The following EXOC4 variants were observed in gnomAD, a reference collection of about 807,000 sequenced individuals.
The protein encoded by EXOC4 is exocyst complex component 4.
In EXOC4, 71 loss-of-function variants were observed where a neutral mutation model predicts 107.2. That is an observed-to-expected ratio of 0.66 (90% CI 0.55 to 0.81). The LOEUF is 0.81. EXOC4 is among the 30% of genes least tolerant of loss of function. The pLI, the probability that EXOC4 is intolerant of heterozygous loss-of-function variation, is 0.00. For missense variants in EXOC4, 1,108 were observed against 1,189.6 expected (o/e 0.93, Z 1.01); for synonymous variants, 456 against 441.2 (o/e 1.03, Z -0.42).
At chr7:133,767,987 G>C (rs1234723061) in intron 10 of EXOC4, 2 of 151,996 alleles carry the variant, frequency 1.3e-5, no homozygotes, top group Non-Finnish European at 2.9e-5. Flanking sequence ...TAAGTACCTA[G>C]GGGATAGAAA....
chr7:133,589,924 C>G (rs1484916372), intron 9 of EXOC4, among the ~76,000 whole-genome samples: 1 of 151,978 alleles, frequency 6.6e-6, no homozygotes, highest in Non-Finnish European at 1.5e-5. Flanking sequence ...AGCTAAAATC[C>G]AAGTTATTGT....
chr7:133,390,316 A>T (rs1308824036), intron 7 of EXOC4, among the ~76,000 whole-genome samples: 1 of 152,202 alleles, frequency 6.6e-6, no homozygotes, highest in Non-Finnish European at 1.5e-5. Context: ...GGAGTTTCTC[A>T]TGATGATGCC....
At chr7:133,998,709 G>T (rs1187151465) in intron 15 of EXOC4, among the ~76,000 whole-genome samples, 1 of 152,160 alleles carries the variant, frequency 6.6e-6, no homozygotes, top group African/African-American at 2.4e-5. Context: ...AGCCATGGAA[G>T]AGTTTTAAGA....
chr7:134,042,480 A>G (rs1203050409), intron 17 of EXOC4, among the ~76,000 whole-genome samples: 1 of 150,770 alleles, frequency 6.6e-6, no homozygotes, highest in Non-Finnish European at 1.5e-5. Context: ...ATGCTAGGAA[A>G]AAAAAAAAAA....
intron 10 of EXOC4, among the ~76,000 whole-genome samples, chr7:133,728,694 A>G (rs539189265): frequency 6.6e-6 from 1 of 152,146 alleles, no homozygotes; most frequent in African/African-American, 2.4e-5. Context: ...ACCCCATTTC[A>G]TTATTAGTTG....
At chr7:133,378,270 A>G (rs1796533465) in intron 7 of EXOC4, among the ~76,000 whole-genome samples, 1 of 149,698 alleles carries the variant, frequency 6.7e-6, no homozygotes, top group Admixed American at 6.8e-5. Context: ...CGATCGCGCC[A>G]CTGCACTCCA....
intron 6 of EXOC4, among the ~76,000 whole-genome samples, chr7:133,370,076 G>A (rs1323675417): frequency 2.9e-4 from 44 of 151,988 alleles, no homozygotes; most frequent in Admixed American, 2.7e-3. Context: ...ACAGGCGTGA[G>A]CCACTGTGCC....
chr7:133,589,867 C>T (rs4728291), intron 9 of EXOC4, among the ~76,000 whole-genome samples: 131,101 of 152,230 alleles, frequency 0.86, 56,598 homozygotes, highest in Admixed American at 0.89. Context: ...ATCATCTTTA[C>T]ATAAAGAATC....
chr7:133,892,785 G>C (rs1050876901), intron 11 of EXOC4, among the ~76,000 whole-genome samples: 1 of 142,246 alleles, frequency 7.0e-6, no homozygotes, highest in Non-Finnish European at 1.5e-5. Context: ...ACTGTGGTCT[G>C]AGAGATAGTT....
intron 10 of EXOC4, among the ~76,000 whole-genome samples, chr7:133,721,223 G>T (rs1025494068): frequency 1.3e-5 from 2 of 151,994 alleles, no homozygotes; most frequent in African/African-American, 4.8e-5. Context: ...ATCAGCAATG[G>T]CATTACCTTG....
chr7:134,072,628 G>A, the EXOC4 span, among the ~76,000 whole-genome samples: 1 of 152,154 alleles, frequency 6.6e-6, no homozygotes, highest in Non-Finnish European at 1.5e-5. Context: ...GCCAGATTTG[G>A]GAGTAGCGTG....
intron 9 of EXOC4, among the ~76,000 whole-genome samples, chr7:133,588,362 A>G (rs1319804562): frequency 1.3e-5 from 2 of 152,180 alleles, no homozygotes; most frequent in Non-Finnish European, 2.9e-5. Flanking sequence ...ATATTAAATG[A>G]TATCCTAAAT....
intron 3 of EXOC4, among the ~76,000 whole-genome samples, chr7:133,298,828 T>C (rs530594433): frequency 3.3e-5 from 5 of 152,314 alleles, no homozygotes; most frequent in African/African-American, 7.2e-5. Flanking sequence ...TATAACTGTT[T>C]TGTGTTACAA....
chr7:133,573,915 AT>A (rs1302799856), intron 9 of EXOC4, among the ~76,000 whole-genome samples: 1 of 152,218 alleles, frequency 6.6e-6, no homozygotes, highest in Non-Finnish European at 1.5e-5. Flanking sequence ...TGGGGACTTC[AT>A]GTATTTCTAC....
At chr7:134,081,461 T>G in the EXOC4 span, among the ~76,000 whole-genome samples, 1 of 151,628 alleles carries the variant, frequency 6.6e-6, no homozygotes, top group African/African-American at 2.4e-5. Context: ...TCTGTATAAC[T>G]CAATCATTAA....
At chr7:133,710,616 C>T (rs1474270480) in intron 10 of EXOC4, among the ~76,000 whole-genome samples, 5 of 146,908 alleles carry the variant, frequency 3.4e-5, no homozygotes, top group South Asian at 2.2e-4. Context: ...GCCGAGATCC[C>T]GCCACTGCAC....
intron 7 of EXOC4, among the ~76,000 whole-genome samples, chr7:133,459,654 C>A (rs565683762): frequency 6.6e-6 from 1 of 152,124 alleles, no homozygotes; most frequent in Non-Finnish European, 1.5e-5. Context: ...AGGATCTTAT[C>A]GGATCATATG....
Position 133,327,667 on chromosome 7 carries a change from C to A in EXOC4, c.763+10277C>A, listed in dbSNP as rs560779827. 7.4e-4 allele frequency among the ~76,000 whole-genome samples: 113 copies of A among 152,222 alleles called. 2 individuals carry two copies. The highest frequency in any genetic ancestry group is 2.5e-3 in the African/African-American group (104 of 41,512). ...TGTTCTCATTGGTTTCAAGGAATAT[C>A]TTTATTTCTGCCTTCATTTTGTTAT... On this transcript the variant is annotated intron_variant, in intron 5 of 17. Transcript: ENST00000253861.
rs938080898 is a variant in EXOC4 at position 133,341,665 on chromosome 7, A to G, written c.764-14665A>G. Among the ~76,000 whole-genome samples, 11 of 151,654 alleles carry G rather than the reference A, an allele frequency of 7.3e-5. 4 individuals carry two copies. Among genetic ancestry groups the G allele is most frequent in the Admixed American group, 7.2e-4 (11 of 15,234 alleles). ...CACCACTCTTATCGTGTTGCTGTCT[A>G]TCTCATTTCTTAAGTCTAGAAGTAA... On this transcript the variant is annotated intron_variant, in intron 5 of 17. Coordinates refer to ENST00000253861, the MANE Select transcript of EXOC4 (RefSeq NM_021807.4).
Sources: allele counts gnomAD v4.1 joint callset (sites outside exome capture counted in the v4.1 genomes callset), GRCh38; gene constraint gnomAD v4.1.1; transcripts MANE v1.5; gene names NCBI Gene and HGNC (gene_info 2026-07-23, HGNC 2026-07-21).